PCDHA12: variants seen among roughly 807,000 people sequenced by gnomAD.
The protein encoded by PCDHA12 is protocadherin alpha 12.
A neutral mutation model predicts 60.0 loss-of-function variants in PCDHA12; 44 were observed. The observed-to-expected ratio is 0.73, with a 90% CI of 0.58 to 0.94. The LOEUF is 0.94. Among genes scored for constraint, PCDHA12 ranks in the 40% least tolerant of loss-of-function variants. The pLI, the probability that PCDHA12 is intolerant of heterozygous loss-of-function variation, is 0.00. For missense variants in PCDHA12, 1,276 were observed against 1,239.7 expected, an observed-to-expected ratio of 1.03 and a Z score of -0.44; for synonymous variants, 569 against 553.0, an observed-to-expected ratio of 1.03 and a Z score of -0.40.
At chr5:140,952,158 G>A (rs2094696814) in intron 1 of PCDHA12, among the ~76,000 whole-genome samples, 1 of 151,946 alleles carries the variant, frequency 6.6e-6, no homozygotes, top group Non-Finnish European at 1.5e-5. Flanking sequence ...GTGGCTTTGT[G>A]GGGTTCAGTT....
At chr5:140,947,238 A>G (rs1252869330) in intron 1 of PCDHA12, among the ~76,000 whole-genome samples, 2 of 151,618 alleles carry the variant, frequency 1.3e-5, no homozygotes, top group Non-Finnish European at 3.0e-5. Flanking sequence ...GGAAAAAAAA[A>G]TAAGATAATC....
At chr5:141,004,681 G>A (rs1554259668) in intron 3 of PCDHA12, among the ~76,000 whole-genome samples, 1 of 152,176 alleles carries the variant, frequency 6.6e-6, no homozygotes. Flanking sequence ...CTGTGGAGTG[G>A]TGCTGAAACC....
At chr5:140,895,072 A>G (rs974661383) in intron 1 of PCDHA12, among the ~76,000 whole-genome samples, 1 of 152,090 alleles carries the variant, frequency 6.6e-6, no homozygotes, top group Admixed American at 6.5e-5. Flanking sequence ...CTCAATTCCT[A>G]TCAGTTCCTC....
At chr5:140,997,572 G>T (rs1457109655) in intron 3 of PCDHA12, among the ~76,000 whole-genome samples, 1 of 152,068 alleles carries the variant, frequency 6.6e-6, no homozygotes, top group Non-Finnish European at 1.5e-5. Context: ...CATATGTGTG[G>T]TCCGTTGTTG....
At chr5:141,006,035 G>T (rs529655038) in intron 3 of PCDHA12, among the ~76,000 whole-genome samples, 7 of 151,222 alleles carry the variant, frequency 4.6e-5, no homozygotes, top group Admixed American at 2.0e-4. Flanking sequence ...GTAAGAGGGA[G>T]ATTTGTAGAT....
intron 1 of PCDHA12, chr5:140,882,132 A>G: frequency 6.8e-7 from 1 of 1,475,878 alleles, no homozygotes; most frequent in Non-Finnish European, 9.1e-7. Flanking sequence ...TTCTTCCTGC[A>G]GAAAATATAG....
chr5:140,952,724 C>T (rs1481919445), intron 1 of PCDHA12, among the ~76,000 whole-genome samples: 1 of 152,100 alleles, frequency 6.6e-6, no homozygotes, highest in African/African-American at 2.4e-5. Flanking sequence ...ATTTTCTGTA[C>T]TAGTCTTTTC....
intron 1 of PCDHA12, chr5:140,967,013 G>A: frequency 1.9e-6 from 3 of 1,606,874 alleles, no homozygotes; most frequent in Non-Finnish European, 2.5e-6. Flanking sequence ...CAACCATCTG[G>A]GTGCGCCCAG....
chr5:140,967,293 A>T, intron 1 of PCDHA12: 1 of 1,612,824 alleles, frequency 6.2e-7, no homozygotes. Flanking sequence ...CAGGACCCCG[A>T]CGTGGGCGCC....
rs181275532 is a variant in PCDHA12, at chr5:140,900,911, A to G, written c.2367+23072A>G. Among the ~76,000 whole-genome samples the G allele has an allele frequency of 2.3e-4, 35 of 152,252 alleles. 1 individual carries two copies. Among genetic ancestry groups the G allele is most frequent in the Admixed American group, 6.5e-4 (10 of 15,284 alleles). ...GGATAAAAGCCATTTTAACTGTGGTAAGATGATATCTCATTGTAGTTTTGA... is the reference window on the plus strand; with the variant it reads ...GGATAAAAGCCATTTTAACTGTGGTGAGATGATATCTCATTGTAGTTTTGA... On this transcript the variant is annotated intron_variant, in intron 1 of 3. Coordinates refer to ENST00000398631, the MANE Select transcript of PCDHA12 (RefSeq NM_018903.4).
intron 3 of PCDHA12, among the ~76,000 whole-genome samples, chr5:141,001,941 A>G (rs565358428): frequency 6.6e-6 from 1 of 151,874 alleles, no homozygotes; most frequent in Admixed American, 6.5e-5. Context: ...GTGAGCGGAA[A>G]TAAGGAGGAG....
chr5:140,877,758 G>A lies in PCDHA12; in HGVS notation c.2286G>A (p.Glu762=), dbSNP rs782480713. The part of the protein sequence containing the change: ...QQRRQRVCSA[E]SPPKTDLMAF... Reference sequence around the variant, plus strand: ...GGAGGCAGAGGGTGTGCTCTGCAGAGAGCCCGCCCAAGACGGACCTCATGG... The same window carrying A: ...GGAGGCAGAGGGTGTGCTCTGCAGAAAGCCCGCCCAAGACGGACCTCATGG... Residue 762 remains glutamate (E), a synonymous_variant, in exon 1 of 4, where the codon GAG becomes GAA. Transcript: ENST00000398631. The A allele has an allele frequency of 1.2e-6, 2 of 1,614,190 alleles. No individual in the cohort carries two copies. The highest frequency in any genetic ancestry group is 1.7e-6 in the Non-Finnish European group (2 of 1,180,036).
chr5:140,927,254 C>T, intron 1 of PCDHA12: 2 of 1,614,132 alleles, frequency 1.2e-6, no homozygotes, highest in Non-Finnish European at 1.7e-6. Flanking sequence ...AATGACAACT[C>T]ACCTCTCTTT....
At chr5:140,907,229 A>C (rs1562959472) in intron 1 of PCDHA12, among the ~76,000 whole-genome samples, 1 of 152,180 alleles carries the variant, frequency 6.6e-6, no homozygotes, top group Non-Finnish European at 1.5e-5. Flanking sequence ...AAGTATTGTC[A>C]CCTAGTTGAC....
intron 1 of PCDHA12, chr5:140,883,838 GA>G: frequency 6.2e-7 from 1 of 1,612,738 alleles, no homozygotes; most frequent in Non-Finnish European, 8.5e-7. Context: ...GCAGCCGTTG[GA>G]CCACGAGGAG....
At chr5:141,009,501 C>G in intron 3 of PCDHA12, 126 bp from the exon 4 acceptor site, 2 of 1,492,598 alleles carry the variant, frequency 1.3e-6, no homozygotes, top group Non-Finnish European at 1.8e-6. Context: ...CAGACTTGAA[C>G]AAACAACTCG....
intron 1 of PCDHA12, among the ~76,000 whole-genome samples, chr5:140,888,287 C>A (rs1371852276): frequency 6.6e-6 from 1 of 152,072 alleles, no homozygotes; most frequent in Non-Finnish European, 1.5e-5. Context: ...CCCCTCTACC[C>A]CCTACCCAGG....
chr5:140,942,796 G>C (rs2093370095), intron 1 of PCDHA12, among the ~76,000 whole-genome samples: 1 of 152,002 alleles, frequency 6.6e-6, no homozygotes, highest in Non-Finnish European at 1.5e-5. Flanking sequence ...ACAAAGGCAT[G>C]TTTTCCACAA....
Position 141,009,840 on chromosome 5 carries a change from A to T in PCDHA12, c.2729A>T (p.Lys910Met), listed in dbSNP as rs782270689. 1 of 1,614,186 alleles carries T rather than the reference A, an allele frequency of 6.2e-7. No individual in the cohort carries two copies. The highest frequency in any genetic ancestry group is 1.7e-5 in the Admixed American group (1 of 60,024). The change falls in exon 4 of 4, where the codon AAG (lysine) becomes ATG (methionine). Residue 910 changes from lysine (K) to methionine (M), a missense_variant. Lys to Met is a moderately conservative substitution (Grantham distance 95). Coordinates refer to ENST00000398631, the MANE Select transcript of PCDHA12 (RefSeq NM_018903.4). ...AGTGACTTCATAACCTTCGGCAAAA[A>T]GGAGGAGACCAAGAAAAAGAAGAAA... Reference protein sequence around the residue: ...DKSDFITFGKKEETKKKKKKK... With the variant: ...DKSDFITFGKMEETKKKKKKK...
Sources: gnomAD v4.1 joint callset for allele counts (sites outside exome capture counted in the v4.1 genomes callset) on GRCh38, gnomAD v4.1.1 for gene constraint, MANE v1.5 for transcripts, NCBI Gene and HGNC (gene_info 2026-07-23, HGNC 2026-07-21) for gene names.